The following PLEKHM3 variants were observed in gnomAD, a reference collection of about 807,000 sequenced individuals.
PLEKHM3 encodes the protein pleckstrin homology domain-containing family M member 3.
A neutral mutation model predicts 81.8 loss-of-function variants in PLEKHM3; 45 were observed. That is an observed-to-expected ratio of 0.55 (90% CI 0.43 to 0.71). The LOEUF (loss-of-function observed/expected upper bound fraction) is 0.71. Among genes scored for constraint, PLEKHM3 ranks in the 30% least tolerant of loss-of-function variants. The pLI, the probability that PLEKHM3 is intolerant of heterozygous loss-of-function variation, is 0.00. For missense variants in PLEKHM3, 788 were observed against 924.3 expected (o/e 0.85, Z 1.91); for synonymous variants, 352 against 356.4 (o/e 0.99, Z 0.14).
intron 1 of PLEKHM3, among the ~76,000 whole-genome samples, chr2:208,006,921 A>C (rs146296394): frequency 8.6e-4 from 131 of 152,338 alleles, no homozygotes; most frequent in Middle Eastern, 3.4e-3. Flanking sequence ...CCTAACTAAG[A>C]AATCTGTTTT....
chr2:207,978,165 C>T (rs1371764331), intron 2 of PLEKHM3, among the ~76,000 whole-genome samples: 1 of 123,480 alleles, frequency 8.1e-6, no homozygotes, highest in Non-Finnish European at 1.9e-5. Flanking sequence ...GAACGTGCAA[C>T]ATCAACGGAG....
chr2:208,016,670 T>TACAC (rs370576889), intron 1 of PLEKHM3, among the ~76,000 whole-genome samples: 103 of 65,062 alleles, frequency 1.6e-3, no homozygotes, highest in Non-Finnish European at 1.8e-3. Context: ...AAAAAAAAAA[T>TACAC]ACACACACAC....
intron 6 of PLEKHM3, among the ~76,000 whole-genome samples, chr2:207,887,384 C>T (rs1687915422): frequency 6.6e-6 from 1 of 152,184 alleles, no homozygotes; most frequent in Non-Finnish European, 1.5e-5. Context: ...GTACACAATG[C>T]ATTTGACACA....
At chr2:207,923,293 T>C (rs1475895313) in intron 5 of PLEKHM3, among the ~76,000 whole-genome samples, 1 of 151,960 alleles carries the variant, frequency 6.6e-6, no homozygotes, top group Non-Finnish European at 1.5e-5. Flanking sequence ...GCTAGAAAAG[T>C]ATTAAAATGA....
intron 6 of PLEKHM3, among the ~76,000 whole-genome samples, chr2:207,879,063 C>A (rs1426549438): frequency 6.6e-6 from 1 of 152,126 alleles, no homozygotes; most frequent in Non-Finnish European, 1.5e-5. Context: ...CCATTTATTG[C>A]TATTACCATG....
At chr2:207,966,804 C>T (rs149500466) in intron 3 of PLEKHM3, among the ~76,000 whole-genome samples, 4,347 of 152,172 alleles carry the variant, frequency 0.029, 190 homozygotes, top group African/African-American at 0.095. Context: ...CCACCCACCT[C>T]GGCCTCCCAA....
intron 5 of PLEKHM3, among the ~76,000 whole-genome samples, chr2:207,917,969 A>AT (rs1159716328): frequency 1.3e-5 from 2 of 152,080 alleles, no homozygotes; most frequent in Non-Finnish European, 2.9e-5. Flanking sequence ...AATATACTTG[A>AT]TTTTTTAGGG....
rs1429900789 is a variant in PLEKHM3 at position 207,976,687 on chromosome 2, C to T, written c.1510G>A (p.Glu504Lys). ...FLSILTTLSL[E>K]RGLTAQSFKC... Reference sequence around the variant, plus strand: ...AAACTCTGAGCAGTGAGTCCTCGTTCCAAAGACAAAGTCGTCAAAATGCTC... The same window carrying T: ...AAACTCTGAGCAGTGAGTCCTCGTTTCAAAGACAAAGTCGTCAAAATGCTC... Residue 504 changes from glutamate (E) to lysine (K), a missense_variant, in exon 3 of 8, where the codon GAA becomes AAA. Glu to Lys is a moderately conservative substitution (Grantham distance 56). Coordinates refer to ENST00000427836, the MANE Select transcript of PLEKHM3 (RefSeq NM_001080475.3). The surrounding 1 kb of genome is among the most constrained non-coding windows in gnomAD (Gnocchi z 4.1). The T allele has an allele frequency of 1.2e-6, 2 of 1,614,052 alleles. No homozygotes were observed. The highest frequency in any genetic ancestry group is 2.2e-5 in the South Asian group (2 of 91,066).
At chr2:207,883,765 AT>A in intron 6 of PLEKHM3, among the ~76,000 whole-genome samples, 1 of 152,334 alleles carries the variant, frequency 6.6e-6, no homozygotes, top group East Asian at 1.9e-4. Flanking sequence ...AAATAACTAT[AT>A]AAAAAATGGA....
chr2:207,884,623 G>C (rs1687827224), intron 6 of PLEKHM3, among the ~76,000 whole-genome samples: 1 of 152,006 alleles, frequency 6.6e-6, no homozygotes, highest in Admixed American at 6.6e-5. Context: ...AAGTAAAAAA[G>C]GTAGTGTTAC....
chr2:207,889,473 AC>A (rs1687985414), intron 6 of PLEKHM3, among the ~76,000 whole-genome samples: 1 of 127,886 alleles, frequency 7.8e-6, no homozygotes, highest in African/African-American at 2.9e-5. Flanking sequence ...ACACACACAC[AC>A]ACACACACAC....
chr2:207,881,798 G>GTGAAAATCA (rs1357193861), intron 6 of PLEKHM3, among the ~76,000 whole-genome samples: 1 of 152,002 alleles, frequency 6.6e-6, no homozygotes, highest in Non-Finnish European at 1.5e-5. Context: ...ACTCTTTCCA[G>GTGAAAATCA]TGAAAATCAT....
intron 6 of PLEKHM3, among the ~76,000 whole-genome samples, chr2:207,877,188 A>G (rs1362721756): frequency 6.6e-6 from 1 of 152,226 alleles, no homozygotes; most frequent in Non-Finnish European, 1.5e-5. Context: ...CCCACCTGAG[A>G]CATGTTCAGA....
chr2:207,963,615 C>T (rs1690811955), intron 3 of PLEKHM3, among the ~76,000 whole-genome samples: 1 of 152,098 alleles, frequency 6.6e-6, no homozygotes. Flanking sequence ...AACTCAAACA[C>T]CAACTATGTT....
At chr2:208,003,858 C>A (rs1468037228) in intron 1 of PLEKHM3, among the ~76,000 whole-genome samples, 2 of 152,052 alleles carry the variant, frequency 1.3e-5, no homozygotes, top group African/African-American at 4.8e-5. Context: ...TTTGTTCTTT[C>A]CTTACTAAAA....
chr2:208,019,960 G>C (rs1210391973), intron 1 of PLEKHM3, among the ~76,000 whole-genome samples: 1 of 152,228 alleles, frequency 6.6e-6, no homozygotes, highest in Non-Finnish European at 1.5e-5. Flanking sequence ...GCAGGTAAAA[G>C]TGGATCAAGA....
In PLEKHM3 at chr2:207,944,984, ATTCTTGT is replaced by A. The variant is rs1233327447; in HGVS notation, c.1692+1376_1692+1382del. Among the ~76,000 whole-genome samples the A allele has an allele frequency of 5.1e-4, 78 of 152,308 alleles. 2 individuals carry two copies. The East Asian group carries it at 0.015, about 29-fold the overall frequency. On this transcript the variant is annotated intron_variant, in intron 4 of 7. Transcript: ENST00000427836. ...GCAAAACTTCTCAAAAGAGTTGTCTATTCTTGTTTCTTGTTTCTCTCTCTCTATTCTA... is the reference window on the plus strand; with the variant it reads ...GCAAAACTTCTCAAAAGAGTTGTCTATTCTTGTTTCTCTCTCTCTATTCTA...
rs76261279 is a variant in PLEKHM3, at chr2:207,942,257, C to T, written c.1692+4110G>A. Among the ~76,000 whole-genome samples the T allele has an allele frequency of 9.1e-3, 1,387 of 152,218 alleles. 17 individuals carry two copies. Among genetic ancestry groups the T allele is most frequent in the African/African-American group, 0.031 (1,293 of 41,538 alleles). On this transcript the variant is annotated intron_variant, in intron 4 of 7. Transcript: ENST00000427836. ...AAATTCTTGTCCAGGTGTGGTGGCT[C>T]ATGCCTGTGGGAGGCCGAGGTGGGA...
At chr2:208,013,404 T>C (rs1247761098) in intron 1 of PLEKHM3, among the ~76,000 whole-genome samples, 1 of 151,954 alleles carries the variant, frequency 6.6e-6, no homozygotes, top group Non-Finnish European at 1.5e-5. Flanking sequence ...TAGTCCCAGT[T>C]ACTGAGGAGG....
Sources: allele counts gnomAD v4.1 joint callset (sites outside exome capture counted in the v4.1 genomes callset), GRCh38; gene constraint gnomAD v4.1.1; non-coding constraint Gnocchi (gnomAD v3.1); transcripts MANE v1.5; gene names NCBI Gene and HGNC (gene_info 2026-07-23, HGNC 2026-07-21).